TTC21B: variants seen among roughly 807,000 people sequenced by gnomAD.
The protein encoded by TTC21B is tetratricopeptide repeat domain 21B.
In TTC21B, 127 loss-of-function variants were observed where a neutral mutation model predicts 175.1. That is an observed-to-expected ratio of 0.73 (90% CI 0.63 to 0.84). The LOEUF (loss-of-function observed/expected upper bound fraction) is 0.84, where lower values mean the gene tolerates loss of function less well. Among genes scored for constraint, TTC21B ranks in the 40% least tolerant of loss-of-function variants. The pLI, the probability that TTC21B is intolerant of heterozygous loss-of-function variation, is 0.00. For missense variants in TTC21B, 1,561 were observed against 1,558.3 expected (o/e 1.00, Z -0.03); for synonymous variants, 524 against 524.5 (o/e 1.00, Z 0.01).
chr2:165,921,991 CT>C (rs1686428159), intron 12 of TTC21B, among the ~76,000 whole-genome samples: 1 of 151,904 alleles, frequency 6.6e-6, no homozygotes. Context: ...ACCCTTTCCC[CT>C]GAGTCCCCAA....
At chr2:165,935,457 T>G (rs1393243117) in intron 6 of TTC21B, among the ~76,000 whole-genome samples, 1 of 152,116 alleles carries the variant, frequency 6.6e-6, no homozygotes, top group Non-Finnish European at 1.5e-5. Context: ...TTAAATAAAT[T>G]ATTTGCATTT....
chr2:165,930,142 T>A (rs1457871336), intron 9 of TTC21B, 30 bp downstream of exon 9: 1 of 1,593,592 alleles, frequency 6.3e-7, no homozygotes, highest in Admixed American at 1.7e-5. Flanking sequence ...GTATCTATAT[T>A]ATAAATATTT....
At chr2:165,922,124 TATAA>T (rs1686433886) in intron 12 of TTC21B, among the ~76,000 whole-genome samples, 3 of 152,090 alleles carry the variant, frequency 2.0e-5, no homozygotes, top group African/African-American at 4.8e-5. Context: ...ATTTTCACAA[TATAA>T]ATACTTAATA....
Position 165,945,694 on chromosome 2 carries a change from G to T in TTC21B, c.263-4C>A, listed in dbSNP as rs763567542. The T allele has an allele frequency of 3.2e-5, 52 of 1,612,180 alleles. No homozygotes were observed. Among genetic ancestry groups the T allele is most frequent in the Non-Finnish European group, 4.3e-5 (51 of 1,179,524 alleles). On this transcript the variant is annotated splice_polypyrimidine_tract_variant and splice_region_variant and intron_variant, in intron 3 of 28. Coordinates refer to ENST00000243344, the MANE Select transcript of TTC21B (RefSeq NM_024753.5). ...GATTCCAGAATAGCTTCTCTATCTG[G>T]TAGGGGAAAATGATATTAAATAAAA...
At position 165,921,247 on chromosome 2, in the gene TTC21B, C is replaced by T. The variant is rs560444265; in HGVS notation, c.1517-1814G>A. Among the ~76,000 whole-genome samples the T allele has an allele frequency of 7.2e-5, 11 of 152,080 alleles. No homozygotes were observed. The South Asian group carries it at 2.3e-3, about 32-fold the overall frequency. ...CTGGAGATTGAATTCAATCATATGGCCAATGATTTAATCCATGCCTATTTA... is the reference window on the plus strand; with the variant it reads ...CTGGAGATTGAATTCAATCATATGGTCAATGATTTAATCCATGCCTATTTA... On this transcript the variant is annotated intron_variant, in intron 12 of 28. Coordinates refer to ENST00000243344, the MANE Select transcript of TTC21B (RefSeq NM_024753.5).
chr2:165,913,790 A>G, intron 15 of TTC21B, 144 bp from the exon 16 acceptor site: 1 of 659,648 alleles, frequency 1.5e-6, no homozygotes, highest in South Asian at 2.1e-5. Context: ...GTAATATTAT[A>G]AAAACCTCAT....
chr2:165,876,665 G>C (rs887267973), intron 27 of TTC21B, among the ~76,000 whole-genome samples: 2 of 152,142 alleles, frequency 1.3e-5, no homozygotes, highest in African/African-American at 4.8e-5. Context: ...TCTATTAGGA[G>C]AAAAAGTACA....
chr2:165,898,604 G>A (rs1277213485), intron 22 of TTC21B, 82 bp downstream of exon 22: 12 of 933,198 alleles, frequency 1.3e-5, no homozygotes, highest in African/African-American at 9.7e-5. Context: ...GAGTTTGCCC[G>A]AGGGCATAAC....
intron 11 of TTC21B, 153 bp downstream of exon 11, chr2:165,928,982 A>G (rs952328740): frequency 1.4e-6 from 1 of 695,780 alleles, no homozygotes; most frequent in African/African-American, 1.8e-5. Context: ...ATTACTAAAA[A>G]CAGTCTGATT....
chr2:165,919,332 C>A lies in TTC21B; in HGVS notation c.1618G>T (p.Glu540Ter). ...LLLAQVYLSQ[E>*]KVKLCSQSLE... ...GACTGAGAACACAATTTGACTTTTT[C>A]TTGAGACAAGTAAACCTGAGCTAGC... Residue 540 changes from glutamate (E) to a stop codon, truncating the protein, a stop_gained, in exon 13 of 29, where the codon GAA (glutamate) becomes TAA (stop). Coordinates refer to ENST00000243344, the MANE Select transcript of TTC21B (RefSeq NM_024753.5). LOFTEE classifies it high-confidence loss of function. 3 of 1,614,060 alleles carry A rather than the reference C, an allele frequency of 1.9e-6. No individual in the cohort carries two copies. Among genetic ancestry groups the A allele is most frequent in the Non-Finnish European group, 2.5e-6 (3 of 1,179,982 alleles).
intron 18 of TTC21B, 147 bp downstream of exon 18, chr2:165,911,180 G>A: frequency 1.1e-6 from 1 of 900,524 alleles, no homozygotes; most frequent in Non-Finnish European, 1.7e-6. Context: ...TTAGTAGAGT[G>A]GCATTCTGAT....
At position 165,949,748 on chromosome 2, in the gene TTC21B, G is replaced by A. The variant is rs769156154; in HGVS notation, c.22-24C>T. 6 of 1,594,922 alleles carry A rather than the reference G, an allele frequency of 3.8e-6. No individual in the cohort carries two copies. In the South Asian group the frequency reaches 6.6e-5, roughly 18 times the overall value. On this transcript the variant is annotated intron_variant, in intron 1 of 28. Coordinates refer to ENST00000243344, the MANE Select transcript of TTC21B (RefSeq NM_024753.5). ...GTCTAAATGGAAATAATGAAAAAAT[G>A]TTATAAAGGAATTCTGGTGCTCTGA...
In TTC21B at chr2:165,876,246, A is replaced by T; in HGVS notation, c.3806-14T>A. 1 of 1,497,352 alleles carries T rather than the reference A, an allele frequency of 6.7e-7. No individual in the cohort carries two copies. 92.8% of individuals were successfully genotyped at this position (1,497,352 alleles called of 1,614,324 possible). ...CCAGTTTGTATCCTGTTAAGACAAA[A>T]ACCATAAAACAGAATGATGGAGTAC... On this transcript the variant is annotated splice_polypyrimidine_tract_variant and intron_variant, in intron 27 of 28. Coordinates refer to ENST00000243344, the MANE Select transcript of TTC21B (RefSeq NM_024753.5).
At chr2:165,905,099 C>T (rs1685684406) in intron 19 of TTC21B, among the ~76,000 whole-genome samples, 1 of 151,978 alleles carries the variant, frequency 6.6e-6, no homozygotes, top group Non-Finnish European at 1.5e-5. Flanking sequence ...TCCCTATAAA[C>T]AAAGTTTCAA....
intron 28 of TTC21B, among the ~76,000 whole-genome samples, chr2:165,875,322 C>T (rs543961133): frequency 6.6e-6 from 1 of 151,986 alleles, no homozygotes; most frequent in African/African-American, 2.4e-5. Flanking sequence ...CTTACATTAA[C>T]ACACAACCCT....
intron 22 of TTC21B, among the ~76,000 whole-genome samples, chr2:165,895,464 C>T (rs1038779390): frequency 6.8e-4 from 3 of 4,412 alleles, no homozygotes; most frequent in Non-Finnish European, 0.026. Flanking sequence ...CTTTTAATGA[C>T]TTAAAATATT....
At chr2:165,890,414 A>T (rs568435578) in intron 24 of TTC21B, 65 bp downstream of exon 24, 1 of 1,485,910 alleles carries the variant, frequency 6.7e-7, no homozygotes, top group Non-Finnish European at 9.3e-7. Context: ...TCTTTTGTAT[A>T]GTATCCCTGT....
intron 6 of TTC21B, among the ~76,000 whole-genome samples, chr2:165,934,500 CAAAAAAAAAAAA>C (rs369089707): frequency 2.8e-5 from 2 of 71,906 alleles, no homozygotes; most frequent in African/African-American, 1.4e-4. Flanking sequence ...GACTCTGTCT[CAAAAAAAAAAAA>C]AAAAAAAAAG....
chr2:165,903,350 C>G (rs550462223), intron 19 of TTC21B, among the ~76,000 whole-genome samples: 3 of 152,060 alleles, frequency 2.0e-5, no homozygotes, highest in Admixed American at 6.6e-5. Flanking sequence ...GATACACTGC[C>G]TGATCAAATA....
Sources: allele counts gnomAD v4.1 joint callset (sites outside exome capture counted in the v4.1 genomes callset), GRCh38; gene constraint gnomAD v4.1.1; transcripts MANE v1.5; gene names NCBI Gene and HGNC (gene_info 2026-07-23, HGNC 2026-07-21).